Variants in ATRX observed in about 807,000 individuals in gnomAD.
ATRX encodes the protein chromatin remodeler ATRX.
A neutral mutation model predicts 172.6 loss-of-function variants in ATRX; 12 were observed. The ratio of observed to expected loss-of-function variants is 0.07; its 90% CI spans 0.04 to 0.11. The LOEUF is 0.11. Among genes scored for constraint, ATRX ranks in the 10% least tolerant of loss-of-function variants. The pLI is 1.00. For missense variants in ATRX, 1,368 were observed against 1,767.4 expected, an observed-to-expected ratio of 0.77 and a Z score of 4.05; for synonymous variants, 674 against 594.7, an observed-to-expected ratio of 1.13 and a Z score of -1.94.
At chrX:77,755,963 A>C (rs530424727) in intron 1 of ATRX, among the ~76,000 whole-genome samples, 52 of 112,409 alleles carry the variant, frequency 4.6e-4, no homozygotes, top group South Asian at 2.2e-3. Flanking sequence ...GCACCTTCCC[A>C]CAGGTTATCT....
chrX:77,631,201 CA>C (rs782293888), intron 19 of ATRX, among the ~76,000 whole-genome samples: 1,411 of 38,971 alleles, frequency 0.036, 20 homozygotes, highest in African/African-American at 0.11. Context: ...ACAATTTGAG[CA>C]AAAAAAAAAA....
chrX:77,774,569 C>T (rs896391292), intron 1 of ATRX, among the ~76,000 whole-genome samples: 5 of 110,192 alleles, frequency 4.5e-5, no homozygotes, highest in African/African-American at 6.6e-5. Flanking sequence ...CCCAGCTACT[C>T]GGGAGGCTGA....
chrX:77,683,648 C>A lies in ATRX; in HGVS notation c.1608G>T (p.Met536Ile), dbSNP rs1057518436. 1 of 1,209,579 alleles carries A rather than the reference C, an allele frequency of 8.3e-7. No individual in the cohort carries two copies. Among genetic ancestry groups the A allele is most frequent in the African/African-American group, 1.7e-5 (1 of 57,197 alleles). ...EDIFENLETA[M>I]EVQSSVDHQG... ...GATGATCAACTGAACTCTGAACTTCCATAGCAGTCTCAAGATTCTCAAAAA... is the reference window on the plus strand; with the variant it reads ...GATGATCAACTGAACTCTGAACTTCAATAGCAGTCTCAAGATTCTCAAAAA... Residue 536 changes from methionine (M) to isoleucine (I), a missense_variant, in exon 9 of 35, where the codon ATG (methionine) becomes ATT (isoleucine). Transcript: ENST00000373344.
chrX:77,720,195 T>C (rs1476445320), intron 1 of ATRX, among the ~76,000 whole-genome samples: 1 of 111,835 alleles, frequency 8.9e-6, no homozygotes, highest in Non-Finnish European at 1.9e-5. Context: ...TACAGGGAAA[T>C]TTATAGCACT....
intron 30 of ATRX, among the ~76,000 whole-genome samples, chrX:77,537,100 A>G (rs2063773894): frequency 8.9e-6 from 1 of 112,161 alleles, no homozygotes; most frequent in South Asian, 3.7e-4. Context: ...AAATGTAAGT[A>G]GCCATATGGA....
At chrX:77,755,662 G>A (rs1284278332) in intron 1 of ATRX, among the ~76,000 whole-genome samples, 1 of 111,999 alleles carries the variant, frequency 8.9e-6, no homozygotes, top group Non-Finnish European at 1.9e-5. Context: ...ACCAGCGGAG[G>A]CTGGAGAACA....
chrX:77,764,247 T>C (rs187103285), intron 1 of ATRX, among the ~76,000 whole-genome samples: 1 of 112,572 alleles, frequency 8.9e-6, no homozygotes, highest in Non-Finnish European at 1.9e-5. Context: ...TTTAAATCAT[T>C]ATCTTGTAGA....
chrX:77,663,357 T>C (rs373812125), intron 12 of ATRX, 25 bp downstream of exon 12: 178 of 1,204,439 alleles, frequency 1.5e-4, no homozygotes, highest in Middle Eastern at 2.4e-4. Flanking sequence ...ATATGTTCTT[T>C]ACATTCAGAA....
chrX:77,740,558 G>A (rs999453191), intron 1 of ATRX, among the ~76,000 whole-genome samples: 2 of 110,551 alleles, frequency 1.8e-5, no homozygotes, highest in Non-Finnish European at 3.8e-5. Context: ...GAAAACCCCC[G>A]AGGCTTATAG....
At chrX:77,522,775 T>C (rs1315212593) in intron 31 of ATRX, among the ~76,000 whole-genome samples, 3 of 112,007 alleles carry the variant, frequency 2.7e-5, no homozygotes, top group East Asian at 2.8e-4. Context: ...AAAACAGACA[T>C]AGAATGATCT....
intron 1 of ATRX, among the ~76,000 whole-genome samples, chrX:77,741,116 G>C (rs911690024): frequency 2.7e-5 from 3 of 110,634 alleles, no homozygotes; most frequent in African/African-American, 9.9e-5. Context: ...CAGAGACTGA[G>C]GTAGGAGAAT....
chrX:77,521,019 C>T, intron 33 of ATRX, 103 bp from the exon 34 acceptor site: 1 of 872,881 alleles, frequency 1.1e-6, no homozygotes, highest in Non-Finnish European at 1.6e-6. Flanking sequence ...TCAAACCCCC[C>T]TTTTCCTTTA....
chrX:77,616,625 C>G lies in ATRX; in HGVS notation c.5554G>C (p.Asp1852His), dbSNP rs2148242917. 4 of 1,187,671 alleles carry G rather than the reference C, an allele frequency of 3.4e-6. No homozygotes were observed. The highest frequency in any genetic ancestry group is 4.6e-6 in the Non-Finnish European group (4 of 873,979). ...IQCKLYQYYL[D>H]HLTGVGNNSE... ...GTGTATTGTTTACCTGTTAAGTGAT[C>G]TAAGTAGTACTGATAGAGCTTGCAC... is the stretch of plus-strand genomic sequence containing the variant. Residue 1852 changes from aspartate to histidine, a missense_variant, in exon 22 of 35, where the codon GAT (aspartate) becomes CAT (histidine). Asp to His is a moderately conservative substitution (Grantham distance 81). This residue lies in a region of ATRX where 12 missense variants were observed against 16.0 expected (regional missense o/e 0.75). Transcript: ENST00000373344.
chrX:77,653,585 A>G (rs1468670187), intron 14 of ATRX, among the ~76,000 whole-genome samples: 1 of 111,847 alleles, frequency 8.9e-6, no homozygotes, highest in Non-Finnish European at 1.9e-5. Context: ...ATGAGTGAAG[A>G]GTTTCTGCTT....
intron 1 of ATRX, among the ~76,000 whole-genome samples, chrX:77,776,760 G>T (rs868964382): frequency 4.5e-5 from 5 of 112,127 alleles, no homozygotes; most frequent in African/African-American, 1.3e-4. Flanking sequence ...TCTGAAATCG[G>T]ATTGAAAATT....
intron 30 of ATRX, among the ~76,000 whole-genome samples, chrX:77,527,938 G>A (rs2063443465): frequency 9.1e-6 from 1 of 109,330 alleles, no homozygotes; most frequent in Non-Finnish European, 1.9e-5. Context: ...CAGATAAGGG[G>A]GCCAGACTGC....
At chrX:77,594,358 C>T (rs2066396962) in intron 25 of ATRX, 1 of 111,645 alleles carries the variant, frequency 9.0e-6, no homozygotes, top group Non-Finnish European at 1.9e-5. Flanking sequence ...CAAGAATTGA[C>T]CCCAGAATCA....
chrX:77,740,053 CAA>C lies in ATRX; in HGVS notation c.21-22812_21-22811del, dbSNP rs781860181. Among the ~76,000 whole-genome samples the C allele has an allele frequency of 4.6e-3, 216 of 47,053 alleles. 4 individuals are homozygous for C. Among genetic ancestry groups the C allele is most frequent in the African/African-American group, 0.018 (199 of 11,111 alleles). 40.9% of individuals were successfully genotyped at this position (47,053 alleles called of 115,157 possible). On this transcript the variant is annotated intron_variant, in intron 1 of 34. Transcript: ENST00000373344. ...GGGGAAGAAGCGCAAAACTCCATCC[CAA>C]AAAAAAAAAAAAAAAAAAAAAATTT...
chrX:77,589,865 T>C lies in ATRX; in HGVS notation c.6186A>G (p.Thr2062=), dbSNP rs782182632. 4 of 1,208,179 alleles carry C rather than the reference T, an allele frequency of 3.3e-6. No homozygotes were observed. The highest frequency in any genetic ancestry group is 3.4e-6 in the Non-Finnish European group (3 of 892,680). The change falls in exon 27 of 35, where the codon ACA becomes ACG. Residue 2062 remains threonine, a synonymous_variant. Transcript: ENST00000373344. ...AAATAAGGGGTTTATCTTTATCTTC[T>C]GTCTTCTCCCTACTAGCTAATTCAA... ...DFLELASREK[T]EDKDKPLIYK...
Sources: allele counts gnomAD v4.1 joint callset (sites outside exome capture counted in the v4.1 genomes callset), GRCh38; gene constraint gnomAD v4.1.1; regional missense constraint gnomAD v4.1.1; transcripts MANE v1.5; gene names NCBI Gene and HGNC (gene_info 2026-07-23, HGNC 2026-07-21).